Variants in TMPRSS9 observed in about 807,000 individuals in gnomAD.
The protein encoded by TMPRSS9 is transmembrane serine protease 9.
A neutral mutation model predicts 111.4 loss-of-function variants in TMPRSS9; 113 were observed. The ratio of observed to expected loss-of-function variants is 1.01; its 90% CI spans 0.87 to 1.19. TMPRSS9 has a LOEUF of 1.19. Among genes scored for constraint, TMPRSS9 ranks in the 50% most tolerant of loss-of-function variants. The pLI is 0.00. For synonymous variants in TMPRSS9, 805 were observed against 659.1 expected, an observed-to-expected ratio of 1.22 and a Z score of -3.39; for missense variants, 1,803 against 1,513.1, an observed-to-expected ratio of 1.19 and a Z score of -3.18.
At chr19:2,377,379 T>C (rs772294145) in intron 1 of TMPRSS9, among the ~76,000 whole-genome samples, 134 of 145,032 alleles carry the variant, frequency 9.2e-4, no homozygotes, top group Non-Finnish European at 1.6e-3. Context: ...AAGCAGTCCT[T>C]CTGCCTCAGC....
upstream of TMPRSS9, among the ~76,000 whole-genome samples, chr19:2,389,119 G>T (rs1174386206): frequency 6.6e-6 from 1 of 150,748 alleles, no homozygotes; most frequent in African/African-American, 2.4e-5. Flanking sequence ...CTGTCGCCAG[G>T]CTGGAGTGCA....
At chr19:2,408,837 A>C (rs577801675) in intron 8 of TMPRSS9, among the ~76,000 whole-genome samples, 1 of 150,400 alleles carries the variant, frequency 6.6e-6, no homozygotes, top group South Asian at 2.1e-4. Context: ...CACACACACA[A>C]AATTAGCCAG....
At chr19:2,395,672 G>T (rs1416032221) in intron 1 of TMPRSS9, among the ~76,000 whole-genome samples, 1 of 151,780 alleles carries the variant, frequency 6.6e-6, no homozygotes, top group African/African-American at 2.4e-5. Flanking sequence ...GCGAGATCAT[G>T]CCATTGCACT....
At chr19:2,415,471 G>C (rs7257702) in intron 10 of TMPRSS9, among the ~76,000 whole-genome samples, 199 bp from the exon 12 acceptor site, 56,433 of 151,814 alleles carry the variant, frequency 0.37, 11,618 homozygotes, top group African/African-American at 0.56. Context: ...TTCTGTCCCC[G>C]AAGCGAGGCC....
intron 17 of TMPRSS9, 143 bp downstream of exon 18, chr19:2,425,636 C>T (rs1971604050): frequency 5.1e-6 from 7 of 1,365,852 alleles, no homozygotes; most frequent in Non-Finnish European, 6.6e-6. Context: ...CTTTTTGGCT[C>T]TGGAGGAATT....
exon 14 of TMPRSS9, chr19:2,422,180 C>T: frequency 6.4e-7 from 1 of 1,564,580 alleles, no homozygotes; most frequent in Non-Finnish European, 8.7e-7. Context: ...CTGCCGTGAG[C>T]ACCACTGCTA....
intron 10 of TMPRSS9, 50 bp from the exon 12 acceptor site, chr19:2,415,620 C>T: frequency 6.9e-7 from 1 of 1,455,000 alleles, no homozygotes; most frequent in South Asian, 1.4e-5. Context: ...CGGATGCTCC[C>T]ACCCGAGCAG....
chr19:2,389,793 C>G (rs1189044682), exon 1 of TMPRSS9: 1 of 1,612,866 alleles, frequency 6.2e-7, no homozygotes, highest in Non-Finnish European at 8.5e-7. Flanking sequence ...GCCATGGAGC[C>G]CACTGTGGCT....
intron 1 of TMPRSS9, among the ~76,000 whole-genome samples, chr19:2,374,072 T>G (rs1347371035): frequency 1.3e-5 from 2 of 152,072 alleles, no homozygotes; most frequent in Admixed American, 6.6e-5. Context: ...TGGGCAAATC[T>G]GGGCAGTGCT....
chr19:2,409,304 A>G (rs879519525), intron 8 of TMPRSS9, among the ~76,000 whole-genome samples: 2 of 151,522 alleles, frequency 1.3e-5, no homozygotes, highest in Admixed American at 1.3e-4. Flanking sequence ...ACACCCGGCA[A>G]CTTTATTTTT....
chr19:2,382,141 A>G lies in TMPRSS9; in HGVS notation c.-25-7620A>G, dbSNP rs370550512. Among the ~76,000 whole-genome samples the G allele has an allele frequency of 2.0e-3, 308 of 152,306 alleles. 2 individuals carry two copies. Among genetic ancestry groups the G allele is most frequent in the African/African-American group, 6.7e-3 (280 of 41,588 alleles). On this transcript the variant is annotated intron_variant, in intron 1 of 17. Transcript: ENST00000649857. ...CAGGCATGAGCCACAGCACCCAGCC[A>G]GAATTTCAGATTAACAACCAAAACG...
At chr19:2,407,539 CAA>C (rs1253356182) in intron 7 of TMPRSS9, among the ~76,000 whole-genome samples, 1 of 148,900 alleles carries the variant, frequency 6.7e-6, no homozygotes, top group Admixed American at 6.7e-5. Flanking sequence ...AAAAACAAAA[CAA>C]AACAAAAATG....
At chr19:2,363,807 T>TGTGTGTGTGTGC (rs1555763793) in intron 1 of TMPRSS9, among the ~76,000 whole-genome samples, 1 of 105,980 alleles carries the variant, frequency 9.4e-6, no homozygotes, top group African/African-American at 4.7e-5. Context: ...TGTGTGTGCG[T>TGTGTGTGTGTGC]GCGCGCGTGT....
intron 1 of TMPRSS9, among the ~76,000 whole-genome samples, chr19:2,377,142 G>A (rs937244637): frequency 2.6e-5 from 4 of 151,032 alleles, no homozygotes; most frequent in African/African-American, 9.7e-5. Flanking sequence ...CACAGTTGCT[G>A]TCCCTGGGGC....
At chr19:2,396,025 C>T (rs983201126) in intron 1 of TMPRSS9, among the ~76,000 whole-genome samples, 1 of 152,170 alleles carries the variant, frequency 6.6e-6, no homozygotes, top group Non-Finnish European at 1.5e-5. Flanking sequence ...CAAACACAAA[C>T]CAACCAGTGG....
At chr19:2,425,752 C>A in intron 17 of TMPRSS9, 175 bp from the exon 19 acceptor site, 1 of 1,161,904 alleles carries the variant, frequency 8.6e-7, no homozygotes, top group Non-Finnish European at 1.2e-6. Flanking sequence ...ACTCCGGGAC[C>A]ACGTGGCGGG....
intron 2 of TMPRSS9, among the ~76,000 whole-genome samples, chr19:2,397,303 T>G (rs1384944629): frequency 6.6e-6 from 1 of 151,820 alleles, no homozygotes; most frequent in Non-Finnish European, 1.5e-5. Flanking sequence ...TTTATTTTAT[T>G]TTTTTGAGAC....
chr19:2,418,167 A>T (rs373990058), intron 13 of TMPRSS9, 29 bp downstream of exon 14: 1 of 1,572,384 alleles, frequency 6.4e-7, no homozygotes, highest in African/African-American at 1.4e-5. Flanking sequence ...AAAGCGGGCA[A>T]TATTTCCATG....
At chr19:2,374,673 G>A (rs1970316955) in intron 1 of TMPRSS9, among the ~76,000 whole-genome samples, 2 of 152,136 alleles carry the variant, frequency 1.3e-5, no homozygotes, top group Non-Finnish European at 2.9e-5. Context: ...TCTCTGGGGA[G>A]CCCCTAACCA....
Sources: allele counts gnomAD v4.1 joint callset (sites outside exome capture counted in the v4.1 genomes callset), GRCh38; gene constraint gnomAD v4.1.1; transcripts MANE v1.5; gene names NCBI Gene and HGNC (gene_info 2026-07-23, HGNC 2026-07-21).